The following GFRAL variants were observed in gnomAD, a reference collection of about 807,000 sequenced individuals.
GFRAL encodes the protein GDNF family receptor alpha like, also known as GDNF family receptor alpha-like.
A neutral mutation model predicts 45.4 loss-of-function variants in GFRAL; 36 were observed. That is an observed-to-expected ratio of 0.79 (90% CI 0.61 to 1.05). The LOEUF is 1.05. Ranked by LOEUF, GFRAL falls within the 50% of genes least tolerant of loss-of-function variation. The pLI, the probability that GFRAL is intolerant of heterozygous loss-of-function variation, is 0.00. For synonymous variants in GFRAL, 166 were observed against 154.1 expected (o/e 1.08, Z -0.57); for missense variants, 507 against 467.5 (o/e 1.08, Z -0.78).
At chr6:55,344,476 G>C (rs1768012077) in intron 3 of GFRAL, among the ~76,000 whole-genome samples, 1 of 152,142 alleles carries the variant, frequency 6.6e-6, no homozygotes, top group African/African-American at 2.4e-5. Context: ...AAAGGCCTTT[G>C]ACAAGATTAA....
chr6:55,362,051 A>G (rs1768282729), intron 6 of GFRAL, among the ~76,000 whole-genome samples: 1 of 151,878 alleles, frequency 6.6e-6, no homozygotes, highest in African/African-American at 2.4e-5. Flanking sequence ...GCTTTATTCT[A>G]TTGTTCCCCA....
At chr6:55,375,792 T>A (rs1416905062) in intron 6 of GFRAL, among the ~76,000 whole-genome samples, 1 of 152,074 alleles carries the variant, frequency 6.6e-6, no homozygotes, top group Non-Finnish European at 1.5e-5. Context: ...AGATACAGGA[T>A]CATGTCTTCT....
At chr6:55,340,571 C>T (rs1432701376) in intron 3 of GFRAL, among the ~76,000 whole-genome samples, 1 of 152,174 alleles carries the variant, frequency 6.6e-6, no homozygotes, top group South Asian at 2.1e-4. Flanking sequence ...ATAGGAACAG[C>T]TCCAGTCTAC....
intron 6 of GFRAL, among the ~76,000 whole-genome samples, chr6:55,389,793 G>A (rs1175729380): frequency 6.6e-6 from 1 of 152,140 alleles, no homozygotes; most frequent in Non-Finnish European, 1.5e-5. Flanking sequence ...TATATGTAAA[G>A]TGACAAATCA....
At chr6:55,377,780 A>G (rs9475272) in intron 6 of GFRAL, among the ~76,000 whole-genome samples, 1 of 151,958 alleles carries the variant, frequency 6.6e-6, no homozygotes, top group Non-Finnish European at 1.5e-5. Flanking sequence ...AGATACTGAA[A>G]GATCCAAAAT....
At chr6:55,363,266 A>G (rs143968849) in intron 6 of GFRAL, among the ~76,000 whole-genome samples, 1 of 152,078 alleles carries the variant, frequency 6.6e-6, no homozygotes, top group African/African-American at 2.4e-5. Flanking sequence ...TAATACATAC[A>G]TACTTTGAAT....
chr6:55,390,297 A>G (rs973324466), intron 6 of GFRAL, among the ~76,000 whole-genome samples: 2 of 152,206 alleles, frequency 1.3e-5, no homozygotes, highest in African/African-American at 4.8e-5. Context: ...AGCTTTTGCT[A>G]TGTTATACAC....
At chr6:55,334,162 T>C (rs1262268163) in intron 3 of GFRAL, among the ~76,000 whole-genome samples, 1 of 152,170 alleles carries the variant, frequency 6.6e-6, no homozygotes, top group African/African-American at 2.4e-5. Flanking sequence ...CTTGGGGTTC[T>C]GTGAGCCATA....
intron 1 of GFRAL, among the ~76,000 whole-genome samples, chr6:55,329,779 G>A (rs1321933605): frequency 6.6e-6 from 1 of 151,940 alleles, no homozygotes; most frequent in African/African-American, 2.4e-5. Flanking sequence ...GACCCAGCAA[G>A]TAGTACACAT....
At chr6:55,351,127 T>A (rs1768110254) in intron 4 of GFRAL, 126 bp from the exon 5 acceptor site, 1 of 691,584 alleles carries the variant, frequency 1.4e-6, no homozygotes, top group Non-Finnish European at 2.5e-6. Context: ...GATGTAATGT[T>A]TGCCAAAAAT....
intron 1 of GFRAL, among the ~76,000 whole-genome samples, chr6:55,330,765 A>G (rs1040747462): frequency 6.6e-6 from 1 of 152,170 alleles, no homozygotes; most frequent in African/African-American, 2.4e-5. Flanking sequence ...ATAGTACATC[A>G]GGTAGATTAG....
intron 6 of GFRAL, among the ~76,000 whole-genome samples, chr6:55,398,426 A>C (rs77930759): frequency 0.043 from 6,537 of 152,304 alleles, 202 homozygotes; most frequent in African/African-American, 0.073. Context: ...ATATTTGTGT[A>C]CAATTACTCA....
intron 6 of GFRAL, among the ~76,000 whole-genome samples, chr6:55,395,537 C>T (rs1477978675): frequency 1.3e-5 from 2 of 151,134 alleles, no homozygotes; most frequent in African/African-American, 4.9e-5. Flanking sequence ...CATTTTTTCC[C>T]CCAAACTGAC....
chr6:55,373,277 T>G (rs1220483091), intron 6 of GFRAL, among the ~76,000 whole-genome samples: 1 of 152,112 alleles, frequency 6.6e-6, no homozygotes, highest in Non-Finnish European at 1.5e-5. Context: ...GGTTCTTCCT[T>G]GACCGTATTT....
At chr6:55,352,115 C>T (rs998259442) in intron 5 of GFRAL, among the ~76,000 whole-genome samples, 1 of 152,056 alleles carries the variant, frequency 6.6e-6, no homozygotes, top group African/African-American at 2.4e-5. Context: ...GGCTTTAATA[C>T]TGTTCAATCA....
chr6:55,331,689 C>G (rs1286127411), intron 1 of GFRAL, 26 bp from the exon 2 acceptor site: 1 of 1,587,924 alleles, frequency 6.3e-7, no homozygotes, highest in South Asian at 1.2e-5. Flanking sequence ...TATATTACAA[C>G]CTTGTTTTTG....
intron 5 of GFRAL, among the ~76,000 whole-genome samples, chr6:55,358,340 A>C (rs1438363711): frequency 6.6e-6 from 1 of 151,962 alleles, no homozygotes; most frequent in Non-Finnish European, 1.5e-5. Context: ...CATTATCCAG[A>C]CTTTTTTTCA....
At chr6:55,343,243 C>A (rs558837929) in intron 3 of GFRAL, among the ~76,000 whole-genome samples, 1 of 152,170 alleles carries the variant, frequency 6.6e-6, no homozygotes, top group Non-Finnish European at 1.5e-5. Context: ...AGCACCATAT[C>A]ACACTTATTC....
At chr6:55,384,371 A>C (rs1170372840) in intron 6 of GFRAL, among the ~76,000 whole-genome samples, 4 of 152,122 alleles carry the variant, frequency 2.6e-5, no homozygotes, top group South Asian at 2.1e-4. Context: ...AAAATAAACT[A>C]TTACTATATT....
Sources: allele counts gnomAD v4.1 joint callset (sites outside exome capture counted in the v4.1 genomes callset), GRCh38; gene constraint gnomAD v4.1.1; transcripts MANE v1.5; gene names NCBI Gene and HGNC (gene_info 2026-07-23, HGNC 2026-07-21).